The following NME9 variants were observed in gnomAD, a reference collection of about 807,000 sequenced individuals.
NME9 encodes NME/NM23 family member 9, also known as thioredoxin domain-containing protein 6.
A neutral mutation model predicts 44.4 loss-of-function variants in NME9; 48 were observed. That is an observed-to-expected ratio of 1.08 (90% confidence interval 0.86 to 1.37). The LOEUF (loss-of-function observed/expected upper bound fraction) is 1.37, where lower values mean the gene tolerates loss of function less well. NME9 is among the 40% of genes most tolerant of loss of function. NME9 has a pLI of 0.00. For synonymous variants in NME9, 139 were observed against 147.1 expected (o/e 0.94, Z 0.40); for missense variants, 325 against 405.2 (o/e 0.80, Z 1.70).
At chr3:138,323,155 G>A (rs547328866) in intron 2 of NME9, among the ~76,000 whole-genome samples, 29 of 152,298 alleles carry the variant, frequency 1.9e-4, no homozygotes, top group Admixed American at 1.4e-3. Flanking sequence ...GCTGGCTTAC[G>A]CCTTAATCCC....
chr3:138,303,670 A>C (rs548398611), intron 9 of NME9, 27 bp from the exon 10 acceptor site: 176 of 1,583,254 alleles, frequency 1.1e-4, no homozygotes, highest in Non-Finnish European at 1.5e-4. Flanking sequence ...AATGTAAAAG[A>C]AACAATTGTT....
At chr3:138,309,876 A>G (rs1019603647) in intron 6 of NME9, among the ~76,000 whole-genome samples, 5 of 151,812 alleles carry the variant, frequency 3.3e-5, no homozygotes, top group African/African-American at 1.2e-4. Flanking sequence ...AAAAATACAA[A>G]ATTAGCCAGG....
At chr3:138,325,840 T>C (rs867798717) in intron 1 of NME9, among the ~76,000 whole-genome samples, 8 of 151,760 alleles carry the variant, frequency 5.3e-5, no homozygotes, top group South Asian at 2.1e-4. Context: ...AAATTACAGC[T>C]TGTTATCTTA....
chr3:138,274,902 T>C (rs1463384260), intron 8 of NME9, among the ~76,000 whole-genome samples: 1 of 152,154 alleles, frequency 6.6e-6, no homozygotes, highest in East Asian at 1.9e-4. Flanking sequence ...TCCGCCGCCA[T>C]GCTCTCAACT....
At chr3:138,316,652 T>C (rs900641600) in intron 4 of NME9, among the ~76,000 whole-genome samples, 1 of 152,186 alleles carries the variant, frequency 6.6e-6, no homozygotes, top group Non-Finnish European at 1.5e-5. Context: ...TTCACTCTTG[T>C]TGCCCAGGCT....
intron 6 of NME9, among the ~76,000 whole-genome samples, chr3:138,313,250 G>A (rs2052825220): frequency 6.6e-6 from 1 of 152,146 alleles, no homozygotes. Context: ...AATTAGCCAG[G>A]TGTGGTGGCG....
rs1324771464 is a variant in NME9, at chr3:138,301,042, A to G, written c.*598T>C. The G allele has an allele frequency of 2.1e-6, 2 of 975,142 alleles. No individual in the cohort carries two copies. Among genetic ancestry groups the G allele is most frequent in the Admixed American group, 6.2e-5 (1 of 16,234 alleles). 60.4% of individuals were successfully genotyped at this position (975,142 alleles called of 1,614,324 possible). On this transcript the variant is annotated 3_prime_UTR_variant, in exon 11 of 11. Coordinates refer to ENST00000333911, the MANE Select transcript of NME9 (RefSeq NM_001349018.2). ...TTTATTGTTGGGGAAACACCATCTC[A>G]TATAACCCAGTATCCTCTGAGATGA...
At chr3:138,268,818 G>T (rs112035136) in intron 8 of NME9, among the ~76,000 whole-genome samples, 1 of 152,090 alleles carries the variant, frequency 6.6e-6, no homozygotes, top group African/African-American at 2.4e-5. Flanking sequence ...GAACCAAAGT[G>T]GGGGAGGGAA....
chr3:138,281,823 G>A (rs1198145794), intron 8 of NME9, among the ~76,000 whole-genome samples: 1 of 152,166 alleles, frequency 6.6e-6, no homozygotes, highest in Admixed American at 6.5e-5. Context: ...GTGGGTAAGA[G>A]GGGGTAGCTG....
intron 2 of NME9, among the ~76,000 whole-genome samples, chr3:138,322,703 A>G (rs933884471): frequency 2.0e-5 from 3 of 152,148 alleles, no homozygotes; most frequent in Non-Finnish European, 4.4e-5. Flanking sequence ...ATATTCCTCT[A>G]GACTGCCTGA....
chr3:138,315,764 G>GA, intron 4 of NME9, 121 bp from the exon 5 acceptor site: 1 of 713,552 alleles, frequency 1.4e-6, no homozygotes, highest in Non-Finnish European at 2.4e-6. Context: ...GCCTGTAGCA[G>GA]CGTGCTCACT....
At chr3:138,262,010 G>T (rs1288224732) in exon 9 of NME9, 1 of 152,602 alleles carries the variant, frequency 6.6e-6, no homozygotes, top group Non-Finnish European at 1.5e-5. Flanking sequence ...GTCACCAGCA[G>T]TGAGGGTGCC....
chr3:138,278,225 AG>A (rs1205775557), intron 8 of NME9, among the ~76,000 whole-genome samples: 2 of 152,020 alleles, frequency 1.3e-5, no homozygotes, highest in Admixed American at 1.3e-4. Flanking sequence ...TACATTTGGT[AG>A]GCCAGGCACG....
At chr3:138,267,849 G>C (rs1213022905) in intron 8 of NME9, among the ~76,000 whole-genome samples, 1 of 152,078 alleles carries the variant, frequency 6.6e-6, no homozygotes, top group African/African-American at 2.4e-5. Flanking sequence ...TATGAACTCA[G>C]GTTTATTGTG....
chr3:138,296,472 T>C (rs142396997), downstream of NME9: 61 of 152,208 alleles, frequency 4.0e-4, no homozygotes, highest in African/African-American at 1.4e-3. Flanking sequence ...TGAATTTTGG[T>C]CAGATGAATA....
intron 6 of NME9, among the ~76,000 whole-genome samples, chr3:138,310,928 G>A (rs1577152463): frequency 6.6e-6 from 1 of 152,176 alleles, no homozygotes; most frequent in South Asian, 2.1e-4. Flanking sequence ...AGAAATAAAT[G>A]AAATTGAGCC....
intron 8 of NME9, among the ~76,000 whole-genome samples, chr3:138,278,281 C>T (rs1011498266): frequency 6.6e-6 from 1 of 151,846 alleles, no homozygotes; most frequent in African/African-American, 2.4e-5. Flanking sequence ...CTGAGGCAGG[C>T]GGATCACTTG....
chr3:138,288,196 G>A (rs78117651), intron 8 of NME9, among the ~76,000 whole-genome samples: 13,086 of 152,206 alleles, frequency 0.086, 583 homozygotes, highest in South Asian at 0.18. Context: ...TAGATTGTGT[G>A]TGTGTGAAAG....
At chr3:138,270,582 A>T (rs1410153101) in intron 8 of NME9, among the ~76,000 whole-genome samples, 1 of 152,194 alleles carries the variant, frequency 6.6e-6, no homozygotes, top group African/African-American at 2.4e-5. Flanking sequence ...AATAAAAATT[A>T]TGTGTGTTTA....
Sources: gnomAD v4.1 joint callset for allele counts (sites outside exome capture counted in the v4.1 genomes callset) on GRCh38, gnomAD v4.1.1 for gene constraint, MANE v1.5 for transcripts, NCBI Gene and HGNC (gene_info 2026-07-23, HGNC 2026-07-21) for gene names.